Variants in AAK1 observed in about 807,000 individuals in gnomAD.
The protein encoded by AAK1 is AP2 associated kinase 1.
AAK1 carries 37 observed loss-of-function variants against 116.0 expected under a neutral mutation model. The observed-to-expected ratio is 0.32, with a 90% confidence interval of 0.25 to 0.42. The LOEUF (loss-of-function observed/expected upper bound fraction) is 0.42, where lower values mean the gene tolerates loss of function less well. Ranked by LOEUF, AAK1 falls within the 10% of genes least tolerant of loss-of-function variation. The probability of loss-of-function intolerance (pLI) is 1.00; values close to 1 mark genes in which losing one functional copy is unlikely to be tolerated. For synonymous variants in AAK1, 458 were observed against 439.9 expected (o/e 1.04, Z -0.51); for missense variants, 919 against 1,170.6 (o/e 0.79, Z 3.14).
At chr2:69,615,556 T>C (rs1674287963) in intron 2 of AAK1, among the ~76,000 whole-genome samples, 1 of 152,246 alleles carries the variant, frequency 6.6e-6, no homozygotes, top group Non-Finnish European at 1.5e-5. Flanking sequence ...TGGGTCTTGC[T>C]TTCTCTCATT....
chr2:69,607,910 G>A (rs887366319), intron 2 of AAK1, among the ~76,000 whole-genome samples: 1 of 152,144 alleles, frequency 6.6e-6, no homozygotes, highest in Non-Finnish European at 1.5e-5. Context: ...GGACATCTGA[G>A]TACAATGGCA....
chr2:69,606,031 G>A (rs182569702), intron 2 of AAK1, among the ~76,000 whole-genome samples: 187 of 152,238 alleles, frequency 1.2e-3, no homozygotes, highest in Non-Finnish European at 2.1e-3. Context: ...ACTGTCCTAG[G>A]AACATGCTTT....
At chr2:69,532,243 T>TA in intron 5 of AAK1, 81 bp from the exon 6 acceptor site, 1 of 1,537,732 alleles carries the variant, frequency 6.5e-7, no homozygotes, top group Non-Finnish European at 8.9e-7. Flanking sequence ...GTCACATAAA[T>TA]AAACGTTTTA....
intron 2 of AAK1, among the ~76,000 whole-genome samples, chr2:69,610,664 G>C (rs1403468400): frequency 6.6e-6 from 1 of 152,054 alleles, no homozygotes; most frequent in Non-Finnish European, 1.5e-5. Context: ...TTCAATAACA[G>C]CCCTATTAGA....
In AAK1 at chr2:69,638,224, A is replaced by G. The variant is rs144134008; in HGVS notation, c.163+4654T>C. The stretch of plus-strand genomic sequence containing the variant: ...TAAATCTCTCTGCCTGGCACTCAAG[A>G]TTCTCCATAAAATTAGTCCTTCCTT... On this transcript the variant is annotated intron_variant, in intron 2 of 21. Transcript: ENST00000409085. Among the ~76,000 whole-genome samples, 88 of 152,284 alleles carry G rather than the reference A, an allele frequency of 5.8e-4. 2 individuals carry two copies. The East Asian group carries it at 0.013, about 22-fold the overall frequency.
intron 12 of AAK1, among the ~76,000 whole-genome samples, chr2:69,515,749 C>T (rs528508673): frequency 4.0e-4 from 61 of 152,022 alleles, no homozygotes; most frequent in South Asian, 3.1e-3. Flanking sequence ...TTGAACATCC[C>T]GTATACTTTA....
chr2:69,473,680 A>T lies in AAK1; in HGVS notation c.*2189T>A. On this transcript the variant is annotated 3_prime_UTR_variant, in exon 22 of 22. Transcript: ENST00000409085. ...CTAATTTCTAAACTGTACTCTTCAT[A>T]GTTTCAATTAAATTGAGAAACTAGA... 2 of 967,540 alleles carry T rather than the reference A, an allele frequency of 2.1e-6. No individual in the cohort carries two copies. Among genetic ancestry groups the T allele is most frequent in the Non-Finnish European group, 2.5e-6 (2 of 813,290 alleles). The allele number at this position is 967,540 out of a possible 1,614,324, so 59.9% of individuals were successfully genotyped here.
intron 19 of AAK1, among the ~76,000 whole-genome samples, chr2:69,480,503 G>A (rs1675044745): frequency 6.6e-6 from 1 of 152,148 alleles, no homozygotes; most frequent in African/African-American, 2.4e-5. Flanking sequence ...CTGGAAAGAT[G>A]TACAGCAATC....
Position 69,479,140 on chromosome 2 carries a change from A to T in AAK1, c.2570-79T>A, listed in dbSNP as rs577517581. 9 of 1,019,822 alleles carry T rather than the reference A, an allele frequency of 8.8e-6. No homozygotes were observed. In the African/African-American group the frequency reaches 1.1e-4, roughly 13 times the overall value. 63.2% of individuals were successfully genotyped at this position (1,019,822 alleles called of 1,614,324 possible). A position where few individuals can be genotyped will look rare whatever the true frequency, so the allele number is the denominator to read the frequency against. On this transcript the variant is annotated intron_variant, in intron 19 of 21. Coordinates refer to ENST00000409085, the MANE Select transcript of AAK1 (RefSeq NM_014911.5). The stretch of plus-strand genomic sequence containing the variant: ...CAACAATATCATGAGATTAGATCTT[A>T]GCTTTTAAGTTACTGCATTTACACG...
chr2:69,553,437 G>T (rs997512102), intron 3 of AAK1, among the ~76,000 whole-genome samples: 14 of 79,592 alleles, frequency 1.8e-4, no homozygotes, highest in South Asian at 5.4e-4. Context: ...ATTGAAAGTT[G>T]TTTTTTTTTT....
chr2:69,582,126 A>G (rs1044622699), intron 2 of AAK1, among the ~76,000 whole-genome samples: 5 of 152,216 alleles, frequency 3.3e-5, no homozygotes, highest in African/African-American at 4.8e-5. Context: ...CATCACTGAT[A>G]AAGTACTTAG....
In AAK1 at chr2:69,469,338, C is replaced by A. The variant is rs1000966247; in HGVS notation, c.*6531G>T. 22 of 985,256 alleles carry A rather than the reference C, an allele frequency of 2.2e-5. No individual in the cohort carries two copies. In the South Asian group the frequency reaches 8.5e-4, roughly 38 times the overall value. 61.0% of individuals were successfully genotyped at this position (985,256 alleles called of 1,614,324 possible). A position where few individuals can be genotyped will look rare whatever the true frequency, so the allele number is the denominator to read the frequency against. ...AAGGTAGTCGAGAGAAGGATAAATT[C>A]CAAATATACTAGAAACAGAAGGTAA... On this transcript the variant is annotated 3_prime_UTR_variant, in exon 22 of 22. Coordinates refer to ENST00000409085, the MANE Select transcript of AAK1 (RefSeq NM_014911.5).
rs902188855 is a variant in AAK1, at chr2:69,542,573, C to T, written c.484G>A (p.Val162Ile). The change falls in exon 5 of 22, where the codon GTT becomes ATT. Residue 162 changes from valine (V) to isoleucine (I), a missense_variant. Coordinates refer to ENST00000409085, the MANE Select transcript of AAK1 (RefSeq NM_014911.5). ...GTTTTGCACTGATGCAGGCGGGCAACAGCTTCACAGGTATCACAAAATATC... is the reference window on the plus strand; with the variant it reads ...GTTTTGCACTGATGCAGGCGGGCAATAGCTTCACAGGTATCACAAAATATC... ...LQIFCDTCEA[V>I]ARLHQCKTPI... 2.5e-6 allele frequency: 4 copies of T among 1,613,938 alleles called. No homozygotes were observed. The African/African-American group carries it at 4.0e-5, about 16-fold the overall frequency.
At chr2:69,593,486 A>G (rs1673124790) in intron 2 of AAK1, among the ~76,000 whole-genome samples, 1 of 151,650 alleles carries the variant, frequency 6.6e-6, no homozygotes, top group Non-Finnish European at 1.5e-5. Context: ...AATTTGGTAT[A>G]TATATTATAT....
rs3732272 is a variant in AAK1 at position 69,529,865 on chromosome 2, G to A, written c.871+143C>T. 1.5e-3 allele frequency: 1,236 copies of A among 816,928 alleles called. 20 individuals carry two copies. The East Asian group carries it at 0.033, about 22-fold the overall frequency. 50.6% of individuals were successfully genotyped at this position (816,928 alleles called of 1,614,324 possible). A position where few individuals can be genotyped will look rare whatever the true frequency, so the allele number is the denominator to read the frequency against. On this transcript the variant is annotated intron_variant, in intron 8 of 21. Coordinates refer to ENST00000409085, the MANE Select transcript of AAK1 (RefSeq NM_014911.5). Reference sequence around the variant, plus strand: ...ACCACTCTAACTAGACAGTTACATTGTCTTTGAGTTCCCAATCATTATCAA... The same window carrying A: ...ACCACTCTAACTAGACAGTTACATTATCTTTGAGTTCCCAATCATTATCAA...
intron 4 of AAK1, among the ~76,000 whole-genome samples, chr2:69,543,777 A>G (rs1186614948): frequency 6.6e-6 from 1 of 152,220 alleles, no homozygotes; most frequent in African/African-American, 2.4e-5. Flanking sequence ...AGCACCAAAC[A>G]GTAAGGCACT....
At chr2:69,604,299 G>A (rs910362565) in intron 2 of AAK1, among the ~76,000 whole-genome samples, 2 of 152,154 alleles carry the variant, frequency 1.3e-5, no homozygotes, top group East Asian at 1.9e-4. Flanking sequence ...CTTATCTTTC[G>A]TGTTGTCATG....
intron 2 of AAK1, among the ~76,000 whole-genome samples, chr2:69,605,100 A>G (rs966967905): frequency 6.6e-6 from 1 of 151,160 alleles, no homozygotes; most frequent in Non-Finnish European, 1.5e-5. Context: ...ACAAACTCCC[A>G]CTCTTCCCTG....
chr2:69,507,692 A>C, intron 14 of AAK1, 114 bp from the exon 15 acceptor site: 1 of 1,030,160 alleles, frequency 9.7e-7, no homozygotes, highest in Non-Finnish European at 1.3e-6. Flanking sequence ...TCAAACCATC[A>C]TTTTCCACCA....
Sources: gnomAD v4.1 joint callset for allele counts (sites outside exome capture counted in the v4.1 genomes callset) on GRCh38, gnomAD v4.1.1 for gene constraint, MANE v1.5 for transcripts, NCBI Gene and HGNC (gene_info 2026-07-23, HGNC 2026-07-21) for gene names.